Variants in BIRC6 observed in about 807,000 individuals in gnomAD.
BIRC6 encodes the protein baculoviral IAP repeat containing 6.
In BIRC6, 98 loss-of-function variants were observed where a neutral mutation model predicts 503.3. The observed-to-expected ratio is 0.19, with a 90% CI of 0.17 to 0.23. The LOEUF (loss-of-function observed/expected upper bound fraction) is 0.23, where lower values mean the gene tolerates loss of function less well. Ranked by LOEUF, BIRC6 falls within the 10% of genes least tolerant of loss-of-function variation. BIRC6 has a pLI of 1.00. For missense variants in BIRC6, 5,360 were observed against 5,806.0 expected, an observed-to-expected ratio of 0.92 and a Z score of 2.50; for synonymous variants, 2,240 against 2,078.7, an observed-to-expected ratio of 1.08 and a Z score of -2.11.
At chr2:32,580,301 A>G (rs1416350742) in intron 66 of BIRC6, among the ~76,000 whole-genome samples, 1 of 152,184 alleles carries the variant, frequency 6.6e-6, no homozygotes, top group African/African-American at 2.4e-5. Context: ...TATTAGTAGA[A>G]TTCAAGACAC....
intron 57 of BIRC6, among the ~76,000 whole-genome samples, chr2:32,519,878 T>A (rs1442824441): frequency 6.6e-6 from 1 of 152,186 alleles, no homozygotes; most frequent in Non-Finnish European, 1.5e-5. Flanking sequence ...AATCAGTGAG[T>A]GAACTTGCTG....
At chr2:32,488,851 A>C in intron 42 of BIRC6, 137 bp downstream of exon 42, 1 of 600,194 alleles carries the variant, frequency 1.7e-6, no homozygotes, top group Non-Finnish European at 2.6e-6. Flanking sequence ...CCTTTTTAAA[A>C]AGATGCACTA....
chr2:32,573,722 G>A (rs1273825803), intron 65 of BIRC6, among the ~76,000 whole-genome samples: 4 of 152,048 alleles, frequency 2.6e-5, no homozygotes, highest in Non-Finnish European at 5.9e-5. Context: ...GCTAGTAATT[G>A]GAAGTTAACA....
chr2:32,388,558 G>A (rs1385179831), intron 3 of BIRC6, among the ~76,000 whole-genome samples, 192 bp from the exon 4 acceptor site: 1 of 151,952 alleles, frequency 6.6e-6, no homozygotes, highest in Non-Finnish European at 1.5e-5. Flanking sequence ...ACTTAGATTG[G>A]TTCCATATCT....
intron 65 of BIRC6, among the ~76,000 whole-genome samples, chr2:32,550,659 GAT>G (rs2150407054): frequency 6.6e-6 from 1 of 152,088 alleles, no homozygotes; most frequent in East Asian, 1.9e-4. Context: ...ATACTGTGAA[GAT>G]ATGACCTACC....
In BIRC6 at chr2:32,463,366, G is replaced by A. The variant is rs2048198752; in HGVS notation, c.4926G>A (p.Leu1642=). 6.2e-7 allele frequency: 1 copy of A among 1,611,808 alleles called. No individual in the cohort carries two copies. The highest frequency in any genetic ancestry group is 1.3e-5 in the African/African-American group (1 of 74,766). ...QVLQEKQQQL[L]KLQQQKAKLE... ...TGCAAGAGAAACAGCAGCAGCTTTT[G>A]AAGCTTCAGCAACAGGTTGGAGACT... The change falls in exon 24 of 74, where the codon TTG becomes TTA. Residue 1642 remains leucine, a synonymous_variant. Transcript: ENST00000421745.
At chr2:32,452,338 A>C (rs891517551) in intron 22 of BIRC6, among the ~76,000 whole-genome samples, 7 of 152,112 alleles carry the variant, frequency 4.6e-5, no homozygotes, top group Non-Finnish European at 1.0e-4. Flanking sequence ...ATTTTTCATC[A>C]AATTATGCTA....
At chr2:32,400,867 T>C (rs1230303653) in intron 6 of BIRC6, among the ~76,000 whole-genome samples, 3 of 152,216 alleles carry the variant, frequency 2.0e-5, no homozygotes, top group Admixed American at 6.5e-5. Flanking sequence ...TTTTGTAGTA[T>C]GTAATATAGC....
At chr2:32,385,183 A>T (rs1352950833) in intron 3 of BIRC6, among the ~76,000 whole-genome samples, 1 of 152,238 alleles carries the variant, frequency 6.6e-6, no homozygotes, top group Admixed American at 6.5e-5. Context: ...TAGTACCAGC[A>T]TATCATGCAG....
rs551608909 is a variant in BIRC6 at position 32,421,998 on chromosome 2, T to G, written c.2872+5835T>G. 8.9e-4 allele frequency among the ~76,000 whole-genome samples: 135 copies of G among 152,330 alleles called. No homozygotes were observed. In the South Asian group the frequency reaches 0.012, roughly 14 times the overall value. On this transcript the variant is annotated intron_variant, in intron 10 of 73. Transcript: ENST00000421745. ...TTTGCTTCACTTGACTTTTGGCTCTTTTGTTAGACTGTTTCATAATTGTTA... is the reference window on the plus strand; with the variant it reads ...TTTGCTTCACTTGACTTTTGGCTCTGTTGTTAGACTGTTTCATAATTGTTA...
rs557160244 is a variant in BIRC6 at position 32,392,185 on chromosome 2, T to C, written c.951+35T>C. 2.2e-6 allele frequency: 3 copies of C among 1,376,174 alleles called. No individual in the cohort carries two copies. In the Admixed American group the frequency reaches 6.7e-5, roughly 31 times the overall value. The allele number at this position is 1,376,174 out of a possible 1,614,324, so 85.2% of individuals were successfully genotyped here. On this transcript the variant is annotated intron_variant, in intron 5 of 73. Transcript: ENST00000421745. ...GAATATAAAAAAATACTTTTCTCAG[T>C]AGGCCTTTGTAGCCCTCAGCAAAAT... is the stretch of plus-strand genomic sequence containing the variant.
rs114611927 is a variant in BIRC6 at position 32,440,754 on chromosome 2, A to T, written c.3811-575A>T. Among the ~76,000 whole-genome samples the T allele has an allele frequency of 6.5e-3, 854 of 130,480 alleles. 3 individuals carry two copies. The highest frequency in any genetic ancestry group is 9.2e-3 in the Non-Finnish European group (553 of 59,934). 85.6% of individuals were successfully genotyped at this position (130,480 alleles called of 152,430 possible). ...TTTATTTTATTGTGTTTATTTATTT[A>T]TTATTATTATTATTATTATTATTAT... On this transcript the variant is annotated intron_variant, in intron 16 of 73. Coordinates refer to ENST00000421745, the MANE Select transcript of BIRC6 (RefSeq NM_016252.4).
chr2:32,530,875 C>G lies in BIRC6; in HGVS notation c.12095-480C>G, dbSNP rs1188919075. On this transcript the variant is annotated intron_variant, in intron 60 of 73. Transcript: ENST00000421745. The stretch of plus-strand genomic sequence containing the variant: ...CTTTGGTGAGTAATTCAGAGTTAAA[C>G]TAATATGGTATAATTTTTTGTTTTA... Among the ~76,000 whole-genome samples, 3 of 152,152 alleles carry G rather than the reference C, an allele frequency of 2.0e-5. No individual in the cohort carries two copies. In the East Asian group the frequency reaches 5.8e-4, roughly 29 times the overall value.
Position 32,433,246 on chromosome 2 carries a change from G to GC in BIRC6, c.3249-397dup, listed in dbSNP as rs372139822. ...GGAGTTTGGAGATTTTCATTTTCCA[G>GC]CATATATATAGCATTTAAAACCCAA... On this transcript the variant is annotated intron_variant, in intron 12 of 73. Transcript: ENST00000421745. Among the ~76,000 whole-genome samples the GC allele has an allele frequency of 4.3e-3, 656 of 152,178 alleles. 8 individuals are homozygous for GC. The highest frequency in any genetic ancestry group is 0.015 in the African/African-American group (622 of 41,518).
At chr2:32,509,285 C>T (rs1191911125) in intron 51 of BIRC6, among the ~76,000 whole-genome samples, 1 of 152,134 alleles carries the variant, frequency 6.6e-6, no homozygotes, top group South Asian at 2.1e-4. Context: ...GACAGAGTCT[C>T]ACCCTGTCGC....
At chr2:32,607,240 A>C (rs1474068319) in intron 71 of BIRC6, among the ~76,000 whole-genome samples, 1 of 152,180 alleles carries the variant, frequency 6.6e-6, no homozygotes, top group Non-Finnish European at 1.5e-5. Context: ...GAGTAAAAAC[A>C]GATGTGTAAG....
At chr2:32,373,408 T>C (rs771512543) in intron 1 of BIRC6, among the ~76,000 whole-genome samples, 6 of 152,160 alleles carry the variant, frequency 3.9e-5, no homozygotes, top group Non-Finnish European at 5.9e-5. Flanking sequence ...TGAAGGAATA[T>C]AGAGCCGAGA....
chr2:32,457,928 A>T (rs1473591543), intron 23 of BIRC6, among the ~76,000 whole-genome samples: 1 of 152,136 alleles, frequency 6.6e-6, no homozygotes, highest in Non-Finnish European at 1.5e-5. Flanking sequence ...TTCAAAACAG[A>T]TCTAATATCT....
At chr2:32,363,934 G>A (rs1308088091) in intron 1 of BIRC6, among the ~76,000 whole-genome samples, 1 of 152,202 alleles carries the variant, frequency 6.6e-6, no homozygotes, top group African/African-American at 2.4e-5. Context: ...TATACATAGA[G>A]GATAGGCAGA....
Sources: allele counts gnomAD v4.1 joint callset (sites outside exome capture counted in the v4.1 genomes callset), GRCh38; gene constraint gnomAD v4.1.1; transcripts MANE v1.5; gene names NCBI Gene and HGNC (gene_info 2026-07-23, HGNC 2026-07-21).